WIPI2: variants seen among roughly 807,000 people sequenced by gnomAD.
WIPI2 encodes WD repeat domain, phosphoinositide interacting 2.
A neutral mutation model predicts 52.3 loss-of-function variants in WIPI2; 28 were observed. The ratio of observed to expected loss-of-function variants is 0.54; its 90% CI spans 0.40 to 0.73. The LOEUF is 0.73. Ranked by LOEUF, WIPI2 falls within the 30% of genes least tolerant of loss-of-function variation. The pLI is 0.00. For synonymous variants in WIPI2, 268 were observed against 245.0 expected, an observed-to-expected ratio of 1.09 and a Z score of -0.88; for missense variants, 506 against 602.9, an observed-to-expected ratio of 0.84 and a Z score of 1.68.
intron 4 of WIPI2, 49 bp from the exon 5 acceptor site, chr7:5,216,514 T>C (rs1236593634): frequency 4.1e-6 from 6 of 1,476,348 alleles, no homozygotes; most frequent in African/African-American, 1.4e-5. Flanking sequence ...GGGGCAGGTA[T>C]TGCACTGGCC....
chr7:5,210,703 G>C (rs1262248002), intron 3 of WIPI2, among the ~76,000 whole-genome samples: 1 of 152,224 alleles, frequency 6.6e-6, no homozygotes, highest in Non-Finnish European at 1.5e-5. Context: ...AAATACAGTT[G>C]ATTCTTGTTG....
chr7:5,227,360 G>A lies in WIPI2; in HGVS notation c.1013+16G>A, dbSNP rs373378911. ...CGCTAGCCACGTGAGTAGAGCCGGCGCCTCCGTCCCCCACCCCGTGTGCCT... is the reference window on the plus strand; with the variant it reads ...CGCTAGCCACGTGAGTAGAGCCGGCACCTCCGTCCCCCACCCCGTGTGCCT... On this transcript the variant is annotated intron_variant, in intron 10 of 12. Transcript: ENST00000288828. The surrounding 1 kb of genome is among the most constrained non-coding windows in gnomAD (Gnocchi z 8.1). The A allele has an allele frequency of 7.8e-5, 125 of 1,609,772 alleles. 2 individuals are homozygous for A. The African/African-American group carries it at 7.9e-4, about 10-fold the overall frequency.
At chr7:5,193,390 G>C in intron 2 of WIPI2, 2 of 1,290,624 alleles carry the variant, frequency 1.5e-6, no homozygotes, top group South Asian at 4.1e-5. Context: ...TGTCTAAAAG[G>C]GATGGAATGA....
At chr7:5,229,867 A>T (rs1018209511) in intron 12 of WIPI2, 129 bp downstream of exon 12, 2 of 1,343,452 alleles carry the variant, frequency 1.5e-6, no homozygotes, top group Non-Finnish European at 2.0e-6. Context: ...CTGAGAACAT[A>T]AGCGAGGTTG....
At chr7:5,228,856 G>C (rs1486207860) in intron 11 of WIPI2, among the ~76,000 whole-genome samples, 2 of 151,990 alleles carry the variant, frequency 1.3e-5, no homozygotes, top group Non-Finnish European at 2.9e-5. Context: ...AGCCTCCCTA[G>C]TAGCTGGGAC....
Position 5,227,412 on chromosome 7 carries a change from C to A in WIPI2, c.1013+68C>A, listed in dbSNP as rs754839171. ...AGGCCGAGGGGCCCAGTCCTGGCGG[C>A]TTGTGGCCCCTTCCGTGCTTCTGAA... is the stretch of plus-strand genomic sequence containing the variant. On this transcript the variant is annotated intron_variant, in intron 10 of 12. Coordinates refer to ENST00000288828, the MANE Select transcript of WIPI2 (RefSeq NM_015610.4). The surrounding 1 kb of genome is among the most constrained non-coding windows in gnomAD (Gnocchi z 8.1). 2 of 1,566,236 alleles carry A rather than the reference C, an allele frequency of 1.3e-6. No individual in the cohort carries two copies. The highest frequency in any genetic ancestry group is 1.7e-6 in the Non-Finnish European group (2 of 1,159,980).
Position 5,199,586 on chromosome 7 carries a change from G to A in WIPI2, c.139G>A (p.Val47Ile). The A allele has an allele frequency of 6.2e-7, 1 of 1,612,894 alleles. No homozygotes were observed. The highest frequency in any genetic ancestry group is 8.5e-7 in the Non-Finnish European group (1 of 1,179,814). Residue 47 changes from valine (V) to isoleucine (I), a missense_variant, in exon 3 of 13, where the codon GTT (valine) becomes ATT (isoleucine). By Grantham distance (29) the Val-to-Ile change is conservative. Around this residue, in one of 4 missense-constraint regions of WIPI2, gnomAD observed 60 missense variants for 49.7 expected, o/e 1.21. Transcript: ENST00000288828. ...GRRAVVWSLA[V>I]GSKSGYKFFS... The stretch of plus-strand genomic sequence containing the variant: ...TTGGCTTTTTTGCAGGTCCCTAGCT[G>A]TTGGTAGTAAGTCCGGTTATAAATT...
intron 2 of WIPI2, among the ~76,000 whole-genome samples, chr7:5,194,333 G>A (rs1438168326): frequency 2.0e-5 from 3 of 152,176 alleles, no homozygotes; most frequent in African/African-American, 4.8e-5. Context: ...GGCTCTATCC[G>A]CCTAAGCACG....
chr7:5,223,856 C>G (rs529482566), intron 8 of WIPI2, among the ~76,000 whole-genome samples: 1 of 152,220 alleles, frequency 6.6e-6, no homozygotes, highest in African/African-American at 2.4e-5. Flanking sequence ...TGCATCCTTC[C>G]GCCTGAATGG....
chr7:5,222,493 A>G, intron 7 of WIPI2, 109 bp from the exon 8 acceptor site: 1 of 1,157,070 alleles, frequency 8.6e-7, no homozygotes, highest in East Asian at 2.4e-5. Flanking sequence ...GGCCCAGGGC[A>G]GAGCTGTCCT....
At chr7:5,222,392 A>C (rs941326735) in intron 7 of WIPI2, among the ~76,000 whole-genome samples, 6 of 152,228 alleles carry the variant, frequency 3.9e-5, no homozygotes, top group African/African-American at 1.4e-4. Context: ...TTAAGTCAAC[A>C]ATAGAACAGG....
chr7:5,201,942 T>C (rs1782047826), intron 3 of WIPI2, among the ~76,000 whole-genome samples: 1 of 151,556 alleles, frequency 6.6e-6, no homozygotes, highest in South Asian at 2.1e-4. Flanking sequence ...CTTTCCTCTT[T>C]CACACTTTTT....
Position 5,223,404 on chromosome 7 carries a change from G to A in WIPI2, c.740+732G>A, listed in dbSNP as rs1046911470. On this transcript the variant is annotated intron_variant, in intron 8 of 12. Coordinates refer to ENST00000288828, the MANE Select transcript of WIPI2 (RefSeq NM_015610.4). ...GGGGCTGTCTTTCGGGGACTCTCCC[G>A]CCATCTGGTCCCCTTTCCTCATGGG... Among the ~76,000 whole-genome samples the A allele has an allele frequency of 3.3e-5, 5 of 152,176 alleles. No homozygotes were observed. In the East Asian group the frequency reaches 5.8e-4, roughly 18 times the overall value.
At chr7:5,213,681 T>TTG (rs1782671830) in intron 3 of WIPI2, among the ~76,000 whole-genome samples, 1 of 44,712 alleles carries the variant, frequency 2.2e-5, no homozygotes, top group Non-Finnish European at 4.5e-5. Context: ...GTTGTTGTTG[T>TTG]TGTTGTTGTT....
At chr7:5,217,406 T>A in intron 6 of WIPI2, 1 of 543,872 alleles carries the variant, frequency 1.8e-6, no homozygotes, top group Non-Finnish European at 3.4e-6. Flanking sequence ...CTGGGCTCAA[T>A]TGATCCTCCT....
At chr7:5,205,537 C>A (rs1277175567) in intron 3 of WIPI2, among the ~76,000 whole-genome samples, 1 of 152,190 alleles carries the variant, frequency 6.6e-6, no homozygotes, top group Non-Finnish European at 1.5e-5. Context: ...TTCTGTCCTG[C>A]CTCTGCTGCT....
chr7:5,224,827 C>G (rs1184756566), intron 8 of WIPI2, among the ~76,000 whole-genome samples: 1 of 152,174 alleles, frequency 6.6e-6, no homozygotes, highest in East Asian at 1.9e-4. Context: ...TTGGAGATGA[C>G]AAGCAAGATG....
chr7:5,203,068 G>A (rs1477857630), intron 3 of WIPI2, among the ~76,000 whole-genome samples: 1 of 152,182 alleles, frequency 6.6e-6, no homozygotes, highest in East Asian at 1.9e-4. Flanking sequence ...AGCCTGCGTT[G>A]ATTATGGAAG....
chr7:5,216,985 A>G, intron 5 of WIPI2, 105 bp from the exon 6 acceptor site: 1 of 1,180,708 alleles, frequency 8.5e-7, no homozygotes, highest in Non-Finnish European at 1.2e-6. Context: ...CCAAGCTATT[A>G]TTTGTTCCTA....
Sources: allele counts gnomAD v4.1 joint callset (sites outside exome capture counted in the v4.1 genomes callset), GRCh38; gene constraint gnomAD v4.1.1; regional missense constraint gnomAD v4.1.1; non-coding constraint Gnocchi (gnomAD v3.1); transcripts MANE v1.5; gene names NCBI Gene and HGNC (gene_info 2026-07-23, HGNC 2026-07-21).